The following ZSCAN5A variants were observed in gnomAD, a reference collection of about 807,000 sequenced individuals.
ZSCAN5A encodes the protein zinc finger and SCAN domain containing 5A, also known as zinc finger and SCAN domain-containing protein 5A.
ZSCAN5A carries 12 observed loss-of-function variants against 23.7 expected under a neutral mutation model. The observed-to-expected ratio is 0.51, with a 90% CI of 0.32 to 0.82. The LOEUF is 0.82. Ranked by LOEUF, ZSCAN5A falls within the 40% of genes least tolerant of loss-of-function variation. The pLI is 0.03. For synonymous variants in ZSCAN5A, 257 were observed against 239.9 expected (o/e 1.07, Z -0.66); for missense variants, 597 against 617.9 (o/e 0.97, Z 0.36).
chr19:56,347,407 T>C (rs1187668165), intron 2 of ZSCAN5A: 2 of 152,102 alleles, frequency 1.3e-5, no homozygotes, highest in African/African-American at 2.4e-5. Context: ...ACTGCAGATA[T>C]AGCTTGCCAC....
chr19:56,243,311 T>C (rs982545699), intron 2 of ZSCAN5A, among the ~76,000 whole-genome samples: 1 of 152,210 alleles, frequency 6.6e-6, no homozygotes, highest in African/African-American at 2.4e-5. Flanking sequence ...TTGCACAGCA[T>C]GGTGCATGCA....
intron 2 of ZSCAN5A, among the ~76,000 whole-genome samples, chr19:56,228,799 T>C (rs1456704507): frequency 1.3e-5 from 2 of 152,194 alleles, no homozygotes; most frequent in Non-Finnish European, 2.9e-5. Context: ...ATAATGAATA[T>C]TGGTGATAAT....
rs183331172 is a variant in ZSCAN5A, at chr19:56,246,904, A to T, written c.-127-21731T>A. 5.2e-3 allele frequency: 8,379 copies of T among 1,607,926 alleles called. 31 individuals carry two copies. The highest frequency in any genetic ancestry group is 6.5e-3 in the African/African-American group (489 of 74,874). ...TCCCAAAAGAAGCAAACCAGACGCC[A>T]CCTCCATTTCCCAAGAAGGGCCTCA... On this transcript the variant is annotated intron_variant, in intron 2 of 5. Coordinates refer to ENST00000683990, the MANE Select transcript of ZSCAN5A (RefSeq NM_001322064.3).
At position 56,238,345 on chromosome 19, in the gene ZSCAN5A, T is replaced by TG. The variant is rs2035157985; in HGVS notation, c.-127-13173_-127-13172insC. ...AATACATTAATTAGCTTGATTGTAGTATAATTACACCATGAATAGGGATAT... is the reference window on the plus strand; with the variant it reads ...AATACATTAATTAGCTTGATTGTAGTGATAATTACACCATGAATAGGGATAT... On this transcript the variant is annotated intron_variant, in intron 2 of 5. Transcript: ENST00000683990. Among the ~76,000 whole-genome samples, 5 of 152,134 alleles carry TG rather than the reference T, an allele frequency of 3.3e-5. No homozygotes were observed. In the South Asian group the frequency reaches 1.0e-3, roughly 32 times the overall value.
At chr19:56,344,759 C>A (rs1170147588) in intron 2 of ZSCAN5A, among the ~76,000 whole-genome samples, 2 of 150,416 alleles carry the variant, frequency 1.3e-5, no homozygotes, top group Non-Finnish European at 3.0e-5. Flanking sequence ...AAAAATTAGC[C>A]GGGCGCGGTG....
At chr19:56,265,869 G>T (rs982626482) in intron 2 of ZSCAN5A, among the ~76,000 whole-genome samples, 5 of 152,084 alleles carry the variant, frequency 3.3e-5, no homozygotes, top group African/African-American at 1.2e-4. Context: ...ATAAGGATCT[G>T]GTGCAAGGAG....
At chr19:56,288,569 G>T (rs2039297018) in intron 2 of ZSCAN5A, among the ~76,000 whole-genome samples, 1 of 152,144 alleles carries the variant, frequency 6.6e-6, no homozygotes, top group Non-Finnish European at 1.5e-5. Context: ...TGAGCTCCCT[G>T]AGCAGCTGGG....
Position 56,324,121 on chromosome 19 carries a change from C to T in ZSCAN5A, c.-357-7853G>A, listed in dbSNP as rs191777244. ...TTTTTGTGCCCACAAAACAACCTCT[C>T]TCCTTTCCCCCTCTATTCATAGCCT... is the stretch of plus-strand genomic sequence containing the variant. On this transcript the variant is annotated intron_variant, in intron 2 of 6. Transcript: ENST00000587340. Among the ~76,000 whole-genome samples, 14 of 152,256 alleles carry T rather than the reference C, an allele frequency of 9.2e-5. No homozygotes were observed. In the East Asian group the frequency reaches 2.7e-3, roughly 29 times the overall value.
At chr19:56,240,989 G>A (rs956903503) in intron 2 of ZSCAN5A, among the ~76,000 whole-genome samples, 2 of 152,110 alleles carry the variant, frequency 1.3e-5, no homozygotes, top group African/African-American at 4.8e-5. Flanking sequence ...AATTACAGGC[G>A]TGAGCCACCT....
chr19:56,244,177 G>T, intron 2 of ZSCAN5A: 1 of 1,612,420 alleles, frequency 6.2e-7, no homozygotes, highest in Non-Finnish European at 8.5e-7. Context: ...CTTGTCACGT[G>T]AACTTCAGGA....
chr19:56,325,629 C>G (rs752753189), intron 2 of ZSCAN5A, among the ~76,000 whole-genome samples: 2 of 151,932 alleles, frequency 1.3e-5, no homozygotes, highest in Non-Finnish European at 2.9e-5. Flanking sequence ...GCACCAGTCA[C>G]TCTGTCATCA....
chr19:56,227,314 A>T (rs909185704), intron 2 of ZSCAN5A, among the ~76,000 whole-genome samples: 3 of 152,210 alleles, frequency 2.0e-5, no homozygotes, highest in African/African-American at 4.8e-5. Flanking sequence ...TTTCAATTAG[A>T]AGCAAATTAA....
At chr19:56,289,591 CTT>C (rs894666981) in intron 2 of ZSCAN5A, among the ~76,000 whole-genome samples, 1 of 152,120 alleles carries the variant, frequency 6.6e-6, no homozygotes, top group Non-Finnish European at 1.5e-5. Context: ...AAATGTTTCT[CTT>C]GTGTGTGGTG....
rs566459936 is a variant in ZSCAN5A at position 56,252,457 on chromosome 19, A to G, written c.-127-27284T>C. Among the ~76,000 whole-genome samples, 9 of 152,258 alleles carry G rather than the reference A, an allele frequency of 5.9e-5. No homozygotes were observed. In the South Asian group the frequency reaches 6.2e-4, roughly 11 times the overall value. On this transcript the variant is annotated intron_variant, in intron 2 of 5. Coordinates refer to ENST00000683990, the MANE Select transcript of ZSCAN5A (RefSeq NM_001322064.3). ...ATAACAGGATTTCTGAAGAGAGCAG[A>G]GTGGGCTTTCCCAAGCTGGTCTGAA... is the stretch of plus-strand genomic sequence containing the variant.
intron 4 of ZSCAN5A, among the ~76,000 whole-genome samples, chr19:56,223,004 C>T (rs1276220733): frequency 6.6e-6 from 1 of 152,176 alleles, no homozygotes; most frequent in Non-Finnish European, 1.5e-5. Flanking sequence ...GAGCATATTT[C>T]TCCCCGCCGT....
rs1354736929 is a variant in ZSCAN5A at position 56,302,515 on chromosome 19, T to TCCC, written c.-128+10767_-128+10768insGGG. Among the ~76,000 whole-genome samples the TCCC allele has an allele frequency of 8.7e-4, 23 of 26,456 alleles. 1 individual carries two copies. Among genetic ancestry groups the TCCC allele is most frequent in the African/African-American group, 6.1e-3 (23 of 3,794 alleles). 17.4% of individuals were successfully genotyped at this position (26,456 alleles called of 152,430 possible). ...TTCTTCCCTCTCTGCCCTTCTTTCC[T>TCCC]TCCTCCCTCCCTCCCTCTTCTTCCT... On this transcript the variant is annotated intron_variant, in intron 2 of 5. Transcript: ENST00000683990.
rs989143748 is a variant in ZSCAN5A, at chr19:56,225,148, A to G, written c.-102T>C. On this transcript the variant is annotated 5_prime_UTR_variant, in exon 3 of 6. Coordinates refer to ENST00000683990, the MANE Select transcript of ZSCAN5A (RefSeq NM_001322064.3). ...CAGGCTTCCTCTGGTTTTCCTCAGTAATAGATTCACTGTTCATTCAGAAGT... is the reference window on the plus strand; with the variant it reads ...CAGGCTTCCTCTGGTTTTCCTCAGTGATAGATTCACTGTTCATTCAGAAGT... 6.7e-6 allele frequency: 10 copies of G among 1,487,354 alleles called. No individual in the cohort carries two copies. The highest frequency in any genetic ancestry group is 4.7e-5 in the Admixed American group (2 of 42,396). 92.1% of individuals were successfully genotyped at this position (1,487,354 alleles called of 1,614,324 possible).
chr19:56,313,628 A>C (rs2041182763), intron 1 of ZSCAN5A, among the ~76,000 whole-genome samples: 1 of 152,210 alleles, frequency 6.6e-6, no homozygotes, highest in African/African-American at 2.4e-5. Flanking sequence ...CTAATTTTTA[A>C]ACTAGCTTTA....
intron 2 of ZSCAN5A, chr19:56,247,152 T>G (rs747892586): frequency 1.6e-6 from 1 of 642,256 alleles, no homozygotes. Context: ...TTCAATGTAA[T>G]TTCTGTGAGA....
Sources: gnomAD v4.1 joint callset for allele counts (sites outside exome capture counted in the v4.1 genomes callset) on GRCh38, gnomAD v4.1.1 for gene constraint, MANE v1.5 for transcripts, NCBI Gene and HGNC (gene_info 2026-07-23, HGNC 2026-07-21) for gene names.